Variants in RIMS2 observed in about 807,000 individuals in gnomAD.
The protein encoded by RIMS2 is regulating synaptic membrane exocytosis 2.
Under a neutral mutation model 174.4 loss-of-function variants are expected in RIMS2, and 59 were observed. The ratio of observed to expected loss-of-function variants is 0.34; its 90% CI spans 0.27 to 0.42. The LOEUF is 0.42. RIMS2 is among the 10% of genes least tolerant of loss of function. RIMS2 has a pLI of 1.00. For missense variants in RIMS2, 1,620 were observed against 1,666.3 expected, an observed-to-expected ratio of 0.97 and a Z score of 0.48; for synonymous variants, 606 against 572.5, an observed-to-expected ratio of 1.06 and a Z score of -0.84.
intron 2 of RIMS2, among the ~76,000 whole-genome samples, chr8:103,723,600 T>C (rs1239100837): frequency 2.0e-5 from 3 of 152,180 alleles, no homozygotes; most frequent in African/African-American, 7.2e-5. Context: ...GCTGGCCTGG[T>C]ACTGGGTGGA....
At chr8:103,600,388 G>A (rs1450172006) in intron 1 of RIMS2, among the ~76,000 whole-genome samples, 3 of 152,116 alleles carry the variant, frequency 2.0e-5, no homozygotes, top group Non-Finnish European at 2.9e-5. Context: ...TCATGCCTCA[G>A]CATCCTGAGT....
chr8:103,523,378 G>C (rs1832622562), intron 1 of RIMS2, among the ~76,000 whole-genome samples: 2 of 151,542 alleles, frequency 1.3e-5, no homozygotes, highest in Non-Finnish European at 3.0e-5. Flanking sequence ...TGGACTTAAA[G>C]TAATTTTGTG....
intron 19 of RIMS2, among the ~76,000 whole-genome samples, chr8:104,016,079 T>G (rs1204291536): frequency 6.6e-6 from 1 of 152,090 alleles, no homozygotes; most frequent in Non-Finnish European, 1.5e-5. Context: ...ATACATTTGC[T>G]AGATCAATAC....
At chr8:104,237,644 A>G (rs1025664967) in intron 19 of RIMS2, among the ~76,000 whole-genome samples, 1 of 152,136 alleles carries the variant, frequency 6.6e-6, no homozygotes, top group African/African-American at 2.4e-5. Flanking sequence ...TTATAATATT[A>G]AATAGTTGTG....
intron 1 of RIMS2, among the ~76,000 whole-genome samples, chr8:103,660,427 A>C (rs540980670): frequency 6.6e-6 from 1 of 152,304 alleles, no homozygotes; most frequent in African/African-American, 2.4e-5. Flanking sequence ...CCTCTGACAC[A>C]GACTGTCTGC....
At chr8:103,621,213 A>G (rs937238555) in intron 1 of RIMS2, among the ~76,000 whole-genome samples, 11 of 152,228 alleles carry the variant, frequency 7.2e-5, no homozygotes, top group African/African-American at 2.4e-4. Context: ...TACTTTCTGC[A>G]GAAAGGGTAC....
chr8:103,503,627 A>T (rs1821745385), intron 1 of RIMS2, among the ~76,000 whole-genome samples: 1 of 152,026 alleles, frequency 6.6e-6, no homozygotes, highest in Non-Finnish European at 1.5e-5. Context: ...CTGCCTTTTA[A>T]CATTTATGTT....
chr8:104,032,856 C>T (rs1020344574), intron 19 of RIMS2, among the ~76,000 whole-genome samples: 1 of 151,850 alleles, frequency 6.6e-6, no homozygotes, highest in Non-Finnish European at 1.5e-5. Flanking sequence ...TTCTGTATTC[C>T]AAACATTATA....
At chr8:103,508,289 C>T (rs1453535589) in intron 1 of RIMS2, among the ~76,000 whole-genome samples, 1 of 151,956 alleles carries the variant, frequency 6.6e-6, no homozygotes, top group Non-Finnish European at 1.5e-5. Context: ...CTGTGCACTA[C>T]AGTGTATCAT....
chr8:104,245,137 AC>A (rs1344556515), intron 20 of RIMS2, 80 bp downstream of exon 26: 1 of 1,408,370 alleles, frequency 7.1e-7, no homozygotes, highest in African/African-American at 1.4e-5. Context: ...AGATTTTCCA[AC>A]TCTCATGCTC....
chr8:103,910,007 TAG>T, intron 4 of RIMS2: 1 of 542,198 alleles, frequency 1.8e-6, no homozygotes, highest in Non-Finnish European at 3.3e-6. Context: ...TATATATATA[TAG>T]TGAGTGCTAC....
chr8:104,240,820 GTATC>G (rs2099286174), intron 19 of RIMS2, among the ~76,000 whole-genome samples: 1 of 152,082 alleles, frequency 6.6e-6, no homozygotes, highest in South Asian at 2.1e-4. Flanking sequence ...TTCAAATTCT[GTATC>G]TGGTAATAAT....
intron 19 of RIMS2, among the ~76,000 whole-genome samples, chr8:104,172,096 T>TTTGAAGTAAACA (rs2098835883): frequency 6.6e-6 from 1 of 152,180 alleles, no homozygotes; most frequent in African/African-American, 2.4e-5. Flanking sequence ...TCTTCAATGT[T>TTTGAAGTAAACA]TTATTTACTG....
At position 103,552,145 on chromosome 8, in the gene RIMS2, A is replaced by C. The variant is rs368271267; in HGVS notation, c.176+51083A>C. Among the ~76,000 whole-genome samples, 19 of 151,146 alleles carry C rather than the reference A, an allele frequency of 1.3e-4. No homozygotes were observed. In the East Asian group the frequency reaches 3.3e-3, roughly 26 times the overall value. ...CCAAAAAAGATTCCATATTGGCAAG[A>C]ATATCCTAAGCCAAAAAAACAAAGC... On this transcript the variant is annotated intron_variant, in intron 1 of 23. Coordinates refer to ENST00000504942, the Ensembl canonical transcript of RIMS2.
At chr8:104,207,324 A>T (rs534971326) in intron 19 of RIMS2, among the ~76,000 whole-genome samples, 12 of 152,212 alleles carry the variant, frequency 7.9e-5, no homozygotes, top group South Asian at 2.1e-4. Flanking sequence ...GTGACATTTA[A>T]AATACATTTT....
intron 3 of RIMS2, among the ~76,000 whole-genome samples, chr8:103,872,724 C>T (rs1390385421): frequency 6.6e-6 from 1 of 152,152 alleles, no homozygotes; most frequent in Non-Finnish European, 1.5e-5. Context: ...GCCTATTGGG[C>T]TTATGTCTTT....
intron 3 of RIMS2, among the ~76,000 whole-genome samples, chr8:103,771,586 A>G (rs1376600225): frequency 1.3e-5 from 2 of 152,086 alleles, no homozygotes; most frequent in East Asian, 1.9e-4. Flanking sequence ...CCTTTTCCCC[A>G]TAGTGTCATC....
intron 9 of RIMS2, chr8:103,920,813 C>T (rs1253083843): frequency 2.8e-6 from 1 of 360,344 alleles, no homozygotes; most frequent in Non-Finnish European, 5.3e-6. Flanking sequence ...CACGGTGAAA[C>T]CCCGTCTCTA....
chr8:104,052,302 A>T (rs1024678818), intron 19 of RIMS2, among the ~76,000 whole-genome samples: 5 of 152,128 alleles, frequency 3.3e-5, no homozygotes, highest in African/African-American at 1.2e-4. Context: ...ATTAAAATGG[A>T]TTTTATATGT....
Sources: allele counts gnomAD v4.1 joint callset (sites outside exome capture counted in the v4.1 genomes callset), GRCh38; gene constraint gnomAD v4.1.1; transcripts MANE v1.5; gene names NCBI Gene and HGNC (gene_info 2026-07-23, HGNC 2026-07-21).